The following CAMKK1 variants were observed in gnomAD, a reference collection of about 807,000 sequenced individuals.
The protein encoded by CAMKK1 is calcium/calmodulin-dependent protein kinase kinase 1.
In CAMKK1, 20 loss-of-function variants were observed where a neutral mutation model predicts 63.5. That is an observed-to-expected ratio of 0.32 (90% CI 0.22 to 0.46). The LOEUF (loss-of-function observed/expected upper bound fraction) is 0.46, where lower values mean the gene tolerates loss of function less well. Ranked by LOEUF, CAMKK1 falls within the 20% of genes least tolerant of loss-of-function variation. CAMKK1 has a pLI of 1.00. For missense variants in CAMKK1, 588 were observed against 658.1 expected, an observed-to-expected ratio of 0.89 and a Z score of 1.17; for synonymous variants, 253 against 269.0, an observed-to-expected ratio of 0.94 and a Z score of 0.58.
chr17:3,871,791 G>A (rs999803035), intron 12 of CAMKK1, among the ~76,000 whole-genome samples: 2 of 151,172 alleles, frequency 1.3e-5, no homozygotes, highest in Admixed American at 6.6e-5. Context: ...GACTACAGAT[G>A]TGCGCCACCA....
Position 3,868,165 on chromosome 17 carries a change from G to A in CAMKK1, c.1341+1322C>T, listed in dbSNP as rs1269172423. On this transcript the variant is annotated intron_variant, in intron 14 of 15. Coordinates refer to ENST00000348335, the MANE Select transcript of CAMKK1 (RefSeq NM_032294.3). ...GAAGCAGGCGCCGTCTAACTGATAC[G>A]TGGGCTCTGGGGGAGAAGCAGGCGC... Among the ~76,000 whole-genome samples, 12 of 7,486 alleles carry A rather than the reference G, an allele frequency of 1.6e-3. 3 individuals are homozygous for A. The highest frequency in any genetic ancestry group is 7.9e-3 in the East Asian group (2 of 254). The allele number at this position is 7,486 out of a possible 152,430, so 4.9% of individuals were successfully genotyped here.
rs747774260 is a variant in CAMKK1 at position 3,883,489 on chromosome 17, G to A, written c.463-9C>T. The A allele has an allele frequency of 6.2e-7, 1 of 1,612,090 alleles. No homozygotes were observed. Among genetic ancestry groups the A allele is most frequent in the East Asian group, 2.2e-5 (1 of 44,854 alleles). On this transcript the variant is annotated splice_polypyrimidine_tract_variant and intron_variant, in intron 4 of 15. Transcript: ENST00000348335. The surrounding 1 kb of genome is among the most constrained non-coding windows in gnomAD (Gnocchi z 4.7). ...GAAAGGACTTTCATTGCCTAAGGAA[G>A]GAGGGACAGAAATGTCACTACTGTG...
chr17:3,877,344 T>C (rs1349729938), intron 9 of CAMKK1, among the ~76,000 whole-genome samples: 1 of 152,098 alleles, frequency 6.6e-6, no homozygotes. Flanking sequence ...CCACATATAG[T>C]AGGACGAATC....
At chr17:3,869,241 G>A (rs1227957016) in intron 14 of CAMKK1, among the ~76,000 whole-genome samples, 1 of 151,942 alleles carries the variant, frequency 6.6e-6, no homozygotes, top group African/African-American at 2.4e-5. Context: ...ACAGGCGTGA[G>A]CCACCGCGCC....
rs187059776 is a variant in CAMKK1 at position 3,883,311 on chromosome 17, C to A, written c.514+118G>T. The A allele has an allele frequency of 1.4e-5, 21 of 1,472,416 alleles. No individual in the cohort carries two copies. The East Asian group carries it at 3.4e-4, about 24-fold the overall frequency. 91.2% of individuals were successfully genotyped at this position (1,472,416 alleles called of 1,614,324 possible). A position where few individuals can be genotyped will look rare whatever the true frequency, so the allele number is the denominator to read the frequency against. On this transcript the variant is annotated intron_variant, in intron 5 of 15. Transcript: ENST00000348335. This position sits in a 1 kb window ranked among gnomAD's most constrained non-coding sequence, Gnocchi z 4.7. ...CACAGGGCACATTCTGTCCCCAGGC[C>A]TCTGCTCACGCTGTCTCCCTCTCTA...
At position 3,865,969 on chromosome 17, in the gene CAMKK1, G is replaced by A; in HGVS notation, c.1384C>T (p.Pro462Ser). Residue 462 changes from proline (P) to serine (S), a missense_variant, in exon 15 of 16, where the codon CCG becomes TCG. Around this residue, in one of 3 missense-constraint regions of CAMKK1, gnomAD observed 226 missense variants for 229.2 expected, o/e 0.99. Coordinates refer to ENST00000348335, the MANE Select transcript of CAMKK1 (RefSeq NM_032294.3). ...TCCCTCCGTGCTTGGGGCTCAAACG[G>A]GTTCCCAAAGGAACGCTTCCTCAGC... ...SMLRKRSFGN[P>S]FEPQARREER... is the part of the protein sequence containing the mutation. 1 of 1,614,184 alleles carries A rather than the reference G, an allele frequency of 6.2e-7. No individual in the cohort carries two copies. Among genetic ancestry groups the A allele is most frequent in the Non-Finnish European group, 8.5e-7 (1 of 1,180,028 alleles).
At chr17:3,865,881 G>A (rs201722781) in intron 15 of CAMKK1, 27 bp downstream of exon 15, 398 of 1,613,596 alleles carry the variant, frequency 2.5e-4, no homozygotes, top group Middle Eastern at 5.0e-4. Context: ...GGGAGTGCCC[G>A]GCAGTCCCTG....
intron 1 of CAMKK1, among the ~76,000 whole-genome samples, chr17:3,891,113 G>A (rs924870297): frequency 1.3e-5 from 2 of 151,882 alleles, no homozygotes; most frequent in Non-Finnish European, 2.9e-5. Flanking sequence ...CAAGGTTGGG[G>A]GGGGGGTCAC....
At chr17:3,876,538 T>C (rs893134898) in intron 9 of CAMKK1, 116 bp from the exon 10 acceptor site, 6 of 869,560 alleles carry the variant, frequency 6.9e-6, no homozygotes, top group Non-Finnish European at 1.1e-5. Context: ...CATGCACACT[T>C]TCGTCTGGTG....
Position 3,885,599 on chromosome 17 carries a change from T to A in CAMKK1, c.89A>T (p.Glu30Val). The A allele has an allele frequency of 6.2e-7, 1 of 1,614,104 alleles. No individual in the cohort carries two copies. Among genetic ancestry groups the A allele is most frequent in the Admixed American group, 1.7e-5 (1 of 60,032 alleles). ...AGTAGGCTCTGGGCCACCATCTGCCTCCTCCAAGTGAGTCACATCGATGGC... is the reference window on the plus strand; with the variant it reads ...AGTAGGCTCTGGGCCACCATCTGCCACCTCCAAGTGAGTCACATCGATGGC... Reference protein sequence around the residue: ...VAAIDVTHLEEADGGPEPTRN... With the variant: ...VAAIDVTHLEVADGGPEPTRN... Residue 30 changes from glutamate to valine, a missense_variant, in exon 2 of 16, where the codon GAG (glutamate) becomes GTG (valine). Glu to Val is a moderately radical substitution (Grantham distance 121, BLOSUM62 -2). Around this residue, in one of 3 missense-constraint regions of CAMKK1, gnomAD observed 357 missense variants for 407.4 expected, o/e 0.88. Coordinates refer to ENST00000348335, the MANE Select transcript of CAMKK1 (RefSeq NM_032294.3).
At chr17:3,874,189 C>T (rs567724442) in intron 10 of CAMKK1, among the ~76,000 whole-genome samples, 17 of 152,164 alleles carry the variant, frequency 1.1e-4, no homozygotes, top group African/African-American at 4.1e-4. Context: ...GGTTGTCTTC[C>T]AAAATGTCAA....
intron 10 of CAMKK1, among the ~76,000 whole-genome samples, chr17:3,873,711 C>T (rs1489354651): frequency 1.3e-5 from 2 of 152,112 alleles, no homozygotes; most frequent in South Asian, 2.1e-4. Context: ...TAACCAGGTA[C>T]GTTTCCAACT....
rs796773377 is a variant in CAMKK1, at chr17:3,871,351, T to G, written c.1124+1203A>C. On this transcript the variant is annotated intron_variant, in intron 12 of 15. Coordinates refer to ENST00000348335, the MANE Select transcript of CAMKK1 (RefSeq NM_032294.3). Reference sequence around the variant, plus strand: ...GTTTTTTGTTTTTTTTTTTTTGTTTTTTTTTTTTTTTTTTTTTTTTTGAGA... The same window carrying G: ...GTTTTTTGTTTTTTTTTTTTTGTTTGTTTTTTTTTTTTTTTTTTTTTGAGA... 2.7e-3 allele frequency among the ~76,000 whole-genome samples: 208 copies of G among 77,414 alleles called. 1 individual carries two copies. Among genetic ancestry groups the G allele is most frequent in the East Asian group, 0.014 (15 of 1,108 alleles). The allele number at this position is 77,414 out of a possible 152,430, so 50.8% of individuals were successfully genotyped here.
At chr17:3,876,154 CTG>C (rs1225002944) in intron 10 of CAMKK1, 67 bp downstream of exon 10, 2 of 1,451,880 alleles carry the variant, frequency 1.4e-6, no homozygotes, top group Non-Finnish European at 1.9e-6. Flanking sequence ...AGGTTAGAAA[CTG>C]GGCCACTGCG....
Position 3,884,047 on chromosome 17 carries a change from T to C in CAMKK1, c.409-110A>G. On this transcript the variant is annotated intron_variant, in intron 3 of 15. Transcript: ENST00000348335. This position sits in a 1 kb window ranked among gnomAD's most constrained non-coding sequence, Gnocchi z 4.5. ...GGTCTCTCCTGCACCCCATCTGCAC[T>C]ACCCACCACCAGCTGGCTCACGGGC... 1.9e-6 allele frequency: 2 copies of C among 1,044,702 alleles called. No individual in the cohort carries two copies. The allele number at this position is 1,044,702 out of a possible 1,614,324, so 64.7% of individuals were successfully genotyped here. A position where few individuals can be genotyped will look rare whatever the true frequency, so the allele number is the denominator to read the frequency against.
intron 15 of CAMKK1, among the ~76,000 whole-genome samples, chr17:3,864,938 C>T (rs2054460546): frequency 1.3e-5 from 2 of 152,314 alleles, no homozygotes; most frequent in Admixed American, 1.3e-4. Context: ...CAGCGTGAAG[C>T]CAAGGCACCC....
chr17:3,864,301 C>A (rs1251497619), intron 15 of CAMKK1, among the ~76,000 whole-genome samples: 1 of 151,890 alleles, frequency 6.6e-6, no homozygotes, highest in Non-Finnish European at 1.5e-5. Flanking sequence ...GGCTGGAGTG[C>A]AGTGGCGTGA....
chr17:3,869,133 T>C (rs2143803941), intron 14 of CAMKK1, among the ~76,000 whole-genome samples: 1 of 150,534 alleles, frequency 6.6e-6, no homozygotes, highest in East Asian at 2.0e-4. Context: ...CACGCCCAGC[T>C]AATTTTCTAT....
At chr17:3,876,133 C>G (rs1275836259) in intron 10 of CAMKK1, 90 bp downstream of exon 10, 19 of 1,248,888 alleles carry the variant, frequency 1.5e-5, no homozygotes, top group Non-Finnish European at 2.1e-5. Flanking sequence ...CACAAAGACC[C>G]TGGCACCCTC....
Sources: gnomAD v4.1 joint callset for allele counts (sites outside exome capture counted in the v4.1 genomes callset) on GRCh38, gnomAD v4.1.1 for gene constraint, gnomAD v4.1.1 regional missense constraint, Gnocchi (gnomAD v3.1) non-coding constraint, MANE v1.5 for transcripts, NCBI Gene and HGNC (gene_info 2026-07-23, HGNC 2026-07-21) for gene names.